The following THEM5 variants were observed in gnomAD, a reference collection of about 807,000 sequenced individuals.
THEM5 encodes the protein acyl-coenzyme A thioesterase THEM5.
Under a neutral mutation model 24.2 loss-of-function variants are expected in THEM5, and 28 were observed. The observed-to-expected ratio is 1.16, with a 90% confidence interval of 0.86 to 1.59. The LOEUF is 1.59. Ranked by LOEUF, THEM5 falls within the 40% of genes most tolerant of loss-of-function variation. The pLI is 0.00. For missense variants in THEM5, 260 were observed against 296.8 expected, an observed-to-expected ratio of 0.88 and a Z score of 0.91; for synonymous variants, 87 against 114.5, an observed-to-expected ratio of 0.76 and a Z score of 1.53.
intron 5 of THEM5, 80 bp downstream of exon 5, chr1:151,847,658 G>A: frequency 6.4e-7 from 1 of 1,561,808 alleles, no homozygotes; most frequent in East Asian, 2.3e-5. Flanking sequence ...TGAATCATTG[G>A]CATCTTTTCT....
intron 5 of THEM5, 45 bp from the exon 6 acceptor site, chr1:151,847,459 G>A (rs1652969019): frequency 1.2e-6 from 2 of 1,612,148 alleles, no homozygotes; most frequent in Admixed American, 1.7e-5. Flanking sequence ...GCACTGAGAT[G>A]GCTGGAGCTT....
chr1:151,851,433 G>T (rs896940170), intron 2 of THEM5, among the ~76,000 whole-genome samples: 3 of 152,116 alleles, frequency 2.0e-5, no homozygotes, highest in African/African-American at 7.2e-5. Flanking sequence ...TAGGATCAGG[G>T]CCAGGGCAAG....
At chr1:151,852,501 G>A (rs375698330) in intron 1 of THEM5, 42 bp from the exon 2 acceptor site, 1 of 1,603,304 alleles carries the variant, frequency 6.2e-7, no homozygotes, top group East Asian at 2.2e-5. Context: ...CATCCTGGAG[G>A]GGGGCTGCTG....
At chr1:151,851,006 G>C (rs369977703) in intron 3 of THEM5, 47 bp downstream of exon 3, 1 of 1,610,438 alleles carries the variant, frequency 6.2e-7, no homozygotes, top group Non-Finnish European at 8.5e-7. Context: ...AACCTGCCCT[G>C]CTGAGCCAAG....
At chr1:151,849,344 A>G (rs2101698789) in intron 3 of THEM5, among the ~76,000 whole-genome samples, 1 of 152,326 alleles carries the variant, frequency 6.6e-6, no homozygotes, top group Middle Eastern at 3.4e-3. Flanking sequence ...AACACCAAGC[A>G]GATTTGAGTT....
intron 1 of THEM5, among the ~76,000 whole-genome samples, chr1:151,852,934 G>A (rs1362707042): frequency 1.3e-5 from 2 of 152,292 alleles, no homozygotes; most frequent in East Asian, 3.9e-4. Context: ...CCACCTCAGG[G>A]GCTACTCCAG....
At position 151,848,217 on chromosome 1, in the gene THEM5, C is replaced by G; in HGVS notation, c.540G>C (p.Gly180=). The change falls in exon 4 of 6, where the codon GGG becomes GGC. Residue 180 remains glycine, a synonymous_variant. Coordinates refer to ENST00000368817, the MANE Select transcript of THEM5 (RefSeq NM_182578.4). ...FSKTAFLAGE[G]LFTLSLNIRF... ...TGATGTTGAGACTTAGTGTGAACAG[C>G]CCCTCTCCAGCCAGGAAGGCAGTTT... The G allele has an allele frequency of 6.2e-7, 1 of 1,614,186 alleles. No homozygotes were observed. The highest frequency in any genetic ancestry group is 8.5e-7 in the Non-Finnish European group (1 of 1,180,034).
chr1:151,849,529 G>A (rs1653048247), intron 3 of THEM5, among the ~76,000 whole-genome samples: 1 of 152,188 alleles, frequency 6.6e-6, no homozygotes, highest in African/African-American at 2.4e-5. Flanking sequence ...CTCACTACAT[G>A]TTTGATCTTG....
rs769116249 is a variant in THEM5, at chr1:151,852,355, C to A, written c.228G>T (p.Lys76Asn). The A allele has an allele frequency of 6.2e-7, 1 of 1,614,154 alleles. No homozygotes were observed. The highest frequency in any genetic ancestry group is 2.2e-5 in the East Asian group (1 of 44,854). The change falls in exon 2 of 6, where the codon AAG becomes AAT. Residue 76 changes from lysine (K) to asparagine (N), a missense_variant. Physicochemically the swap from Lys to Asn is moderately conservative, Grantham distance 94 (BLOSUM62 0). Coordinates refer to ENST00000368817, the MANE Select transcript of THEM5 (RefSeq NM_182578.4). ...GCTTGATCCAGCCGCTAGACTTAGT[C>A]TTCTCCAGAAATTCTTGGTACAGGC... ...MLSLYQEFLE[K>N]TKSSGWIKLP...
In THEM5 at chr1:151,851,198, A is replaced by T. The variant is rs1653109187; in HGVS notation, c.326-7T>A. ...ATGCGACAGTCACCTTTGTCTGGGGAGAGATAGGCAGTGTTGCAGCCGGAG... is the reference window on the plus strand; with the variant it reads ...ATGCGACAGTCACCTTTGTCTGGGGTGAGATAGGCAGTGTTGCAGCCGGAG... On this transcript the variant is annotated splice_region_variant and splice_polypyrimidine_tract_variant and intron_variant, in intron 2 of 5. Coordinates refer to ENST00000368817, the MANE Select transcript of THEM5 (RefSeq NM_182578.4). The T allele has an allele frequency of 6.2e-7, 1 of 1,613,978 alleles. No homozygotes were observed. The highest frequency in any genetic ancestry group is 1.3e-5 in the African/African-American group (1 of 74,904).
At chr1:151,853,118 A>T (rs1271008850) in intron 1 of THEM5, among the ~76,000 whole-genome samples, 1 of 152,240 alleles carries the variant, frequency 6.6e-6, no homozygotes, top group Non-Finnish European at 1.5e-5. Context: ...TGTAGACAGC[A>T]TGTGAGCTGC....
Position 151,852,386 on chromosome 1 carries a change from A to G in THEM5, c.197T>C (p.Met66Thr), listed in dbSNP as rs763169938. 5.6e-6 allele frequency: 9 copies of G among 1,614,152 alleles called. No homozygotes were observed. Among genetic ancestry groups the G allele is most frequent in the Middle Eastern group, 1.6e-4 (1 of 6,062 alleles). ...ALPNASWCSD[M>T]LSLYQEFLEK... ...CAGAAATTCTTGGTACAGGCTCAGCATGTCCGAACACCAGCTGGCATTGGG... is the reference window on the plus strand; with the variant it reads ...CAGAAATTCTTGGTACAGGCTCAGCGTGTCCGAACACCAGCTGGCATTGGG... The change falls in exon 2 of 6, where the codon ATG becomes ACG. Residue 66 changes from methionine (M) to threonine (T), a missense_variant. By Grantham distance (81) the Met-to-Thr change is moderately conservative. Coordinates refer to ENST00000368817, the MANE Select transcript of THEM5 (RefSeq NM_182578.4).
intron 1 of THEM5, among the ~76,000 whole-genome samples, 182 bp downstream of exon 1, chr1:151,853,261 G>C (rs1041825769): frequency 6.6e-6 from 1 of 152,242 alleles, no homozygotes; most frequent in African/African-American, 2.4e-5. Context: ...TCTCCTGGTA[G>C]TTTTAGTTTT....
At chr1:151,852,584 T>C in intron 1 of THEM5, 125 bp from the exon 2 acceptor site, 2 of 891,650 alleles carry the variant, frequency 2.2e-6, no homozygotes, top group Admixed American at 4.4e-5. Context: ...AGAGTATCGA[T>C]CCAAGGGAAA....
Position 151,848,168 on chromosome 1 carries a change from G to A in THEM5, c.575+14C>T, listed in dbSNP as rs1249983450. 6.2e-7 allele frequency: 1 copy of A among 1,612,524 alleles called. No homozygotes were observed. Among genetic ancestry groups the A allele is most frequent in the Non-Finnish European group, 8.5e-7 (1 of 1,178,610 alleles). On this transcript the variant is annotated intron_variant, in intron 4 of 5. Coordinates refer to ENST00000368817, the MANE Select transcript of THEM5 (RefSeq NM_182578.4). Reference sequence around the variant, plus strand: ...TCTGTGACTTTGGCCAATGCCCCAGGGGCCCATACTTACTTTTTGAACCTG... The same window carrying A: ...TCTGTGACTTTGGCCAATGCCCCAGAGGCCCATACTTACTTTTTGAACCTG...
At chr1:151,852,172 T>C in intron 2 of THEM5, 86 bp downstream of exon 2, 3 of 1,348,056 alleles carry the variant, frequency 2.2e-6, no homozygotes, top group Non-Finnish European at 2.1e-6. Flanking sequence ...CGCTGAGAAC[T>C]GGAAGGCGGT....
In THEM5 at chr1:151,847,700, T is replaced by C. The variant is rs1424181792; in HGVS notation, c.700+38A>G. ...TGTTTGTTCTGGGGGTGGGTGGTGGTGGGACGGGGCCTGGGGCTGGGCTGG... is the reference window on the plus strand; with the variant it reads ...TGTTTGTTCTGGGGGTGGGTGGTGGCGGGACGGGGCCTGGGGCTGGGCTGG... On this transcript the variant is annotated intron_variant, in intron 5 of 5. Coordinates refer to ENST00000368817, the MANE Select transcript of THEM5 (RefSeq NM_182578.4). 1.4e-6 allele frequency: 2 copies of C among 1,426,236 alleles called. 1 individual carries two copies. Among genetic ancestry groups the C allele is most frequent in the South Asian group, 2.3e-5 (2 of 86,900 alleles). 88.3% of individuals were successfully genotyped at this position (1,426,236 alleles called of 1,614,324 possible). A position where few individuals can be genotyped will look rare whatever the true frequency, so the allele number is the denominator to read the frequency against.
At chr1:151,847,466 G>A in intron 5 of THEM5, 52 bp from the exon 6 acceptor site, 2 of 1,610,062 alleles carry the variant, frequency 1.2e-6, no homozygotes, top group Non-Finnish European at 1.7e-6. Context: ...GATGGCTGGA[G>A]CTTGATGGAC....
intron 3 of THEM5, chr1:151,850,428 G>A (rs1168979077): frequency 6.6e-6 from 1 of 152,556 alleles, no homozygotes; most frequent in Non-Finnish European, 1.5e-5. Context: ...GAGAACAGTG[G>A]ACTTGGAATC....
Sources: gnomAD v4.1 joint callset for allele counts (sites outside exome capture counted in the v4.1 genomes callset) on GRCh38, gnomAD v4.1.1 for gene constraint, MANE v1.5 for transcripts, NCBI Gene and HGNC (gene_info 2026-07-23, HGNC 2026-07-21) for gene names.